Variants in PREX2 observed in about 807,000 individuals in gnomAD.
PREX2 encodes the protein phosphatidylinositol-3,4,5-trisphosphate dependent Rac exchange factor 2, also known as phosphatidylinositol 3,4,5-trisphosphate-dependent Rac exchanger 2 protein.
PREX2 carries 107 observed loss-of-function variants against 203.2 expected under a neutral mutation model. The ratio of observed to expected loss-of-function variants is 0.53; its 90% confidence interval spans 0.45 to 0.62. The LOEUF (loss-of-function observed/expected upper bound fraction) is 0.62, where lower values mean the gene tolerates loss of function less well. Among genes scored for constraint, PREX2 ranks in the 20% least tolerant of loss-of-function variants. The pLI, the probability that PREX2 is intolerant of heterozygous loss-of-function variation, is 0.00. For synonymous variants in PREX2, 672 were observed against 663.6 expected, an observed-to-expected ratio of 1.01 and a Z score of -0.19; for missense variants, 1,777 against 1,955.9, an observed-to-expected ratio of 0.91 and a Z score of 1.72.
At chr8:68,046,888 G>T (rs1270551783) in intron 8 of PREX2, among the ~76,000 whole-genome samples, 2 of 150,170 alleles carry the variant, frequency 1.3e-5, no homozygotes, top group Non-Finnish European at 2.9e-5. Flanking sequence ...TATCCACTAG[G>T]TTCCTGGGGA....
At chr8:67,954,316 G>T (rs1176614949) in intron 1 of PREX2, among the ~76,000 whole-genome samples, 1 of 152,198 alleles carries the variant, frequency 6.6e-6, no homozygotes, top group Admixed American at 6.5e-5. Context: ...GCACTAATTA[G>T]TCTGAATGCC....
chr8:68,196,889 A>T (rs1812408863), intron 37 of PREX2, among the ~76,000 whole-genome samples: 1 of 152,190 alleles, frequency 6.6e-6, no homozygotes, highest in Admixed American at 6.5e-5. Context: ...TCTTTTCTTT[A>T]TAAATTACCT....
chr8:67,983,320 G>A (rs113501556), intron 1 of PREX2, among the ~76,000 whole-genome samples: 1 of 65,936 alleles, frequency 1.5e-5, no homozygotes, highest in Non-Finnish European at 3.3e-5. Context: ...TGCAGATGCA[G>A]GTTGTTCCCT....
chr8:68,034,665 A>G (rs953944122), intron 6 of PREX2, among the ~76,000 whole-genome samples: 3 of 152,174 alleles, frequency 2.0e-5, no homozygotes, highest in Admixed American at 6.6e-5. Context: ...ACCTTTTTAC[A>G]TGGAAAAATA....
At chr8:67,975,169 T>C (rs539699233) in intron 1 of PREX2, among the ~76,000 whole-genome samples, 70 of 151,414 alleles carry the variant, frequency 4.6e-4, no homozygotes, top group Non-Finnish European at 7.1e-4. Flanking sequence ...CCTGACCTAC[T>C]GAAAACCAAC....
chr8:68,055,088 C>T (rs1320272213), intron 9 of PREX2, among the ~76,000 whole-genome samples: 1 of 152,208 alleles, frequency 6.6e-6, no homozygotes, highest in Non-Finnish European at 1.5e-5. Context: ...ATCTTCCCCT[C>T]TTCAGTTTGT....
At chr8:68,158,713 G>C (rs1031558411) in intron 35 of PREX2, among the ~76,000 whole-genome samples, 2 of 152,140 alleles carry the variant, frequency 1.3e-5, no homozygotes, top group Non-Finnish European at 2.9e-5. Context: ...GGATGTAATT[G>C]CTGTTTCATT....
At chr8:68,134,786 C>T (rs576091335) in intron 32 of PREX2, among the ~76,000 whole-genome samples, 6 of 152,244 alleles carry the variant, frequency 3.9e-5, no homozygotes, top group African/African-American at 1.2e-4. Flanking sequence ...CCTGTTAAAT[C>T]GAAGAGCATT....
At chr8:67,968,961 C>A (rs1474467179) in intron 1 of PREX2, among the ~76,000 whole-genome samples, 2 of 152,204 alleles carry the variant, frequency 1.3e-5, no homozygotes, top group East Asian at 3.9e-4. Flanking sequence ...TGTAAAACTC[C>A]TTGAACTCTG....
At position 68,099,699 on chromosome 8, in the gene PREX2, T is replaced by C; in HGVS notation, c.2571T>C (p.Ala857=). 1 of 1,613,818 alleles carries C rather than the reference T, an allele frequency of 6.2e-7. No homozygotes were observed. Among genetic ancestry groups the C allele is most frequent in the African/African-American group, 1.3e-5 (1 of 75,008 alleles). The change falls in exon 23 of 40, where the codon GCT becomes GCC. Residue 857 remains alanine (A), a synonymous_variant. Transcript: ENST00000288368. ...SLTAKILEAL[A]KSDEHFVQNC... ...CATTGCAGATTCTTGAAGCCCTGGCTAAAAGTGATGAGCATTTTGTACAAA... is the reference window on the plus strand; with the variant it reads ...CATTGCAGATTCTTGAAGCCCTGGCCAAAAGTGATGAGCATTTTGTACAAA...
chr8:68,035,524 A>T (rs1563511199), intron 6 of PREX2, among the ~76,000 whole-genome samples: 1 of 152,152 alleles, frequency 6.6e-6, no homozygotes, highest in Admixed American at 6.5e-5. Context: ...GCCTGCCATT[A>T]TCCTAGAGAT....
chr8:68,144,774 C>T (rs1811293415), intron 33 of PREX2, among the ~76,000 whole-genome samples: 1 of 152,040 alleles, frequency 6.6e-6, no homozygotes, highest in Non-Finnish European at 1.5e-5. Flanking sequence ...AGTTTTAGTG[C>T]TCTTAGTTTG....
chr8:68,145,358 G>T (rs1357276287), intron 33 of PREX2, among the ~76,000 whole-genome samples: 5 of 152,130 alleles, frequency 3.3e-5, no homozygotes, highest in Non-Finnish European at 4.4e-5. Flanking sequence ...CCTGGAATCT[G>T]TGATCATAAA....
chr8:68,159,686 C>T (rs1811614697), intron 35 of PREX2, among the ~76,000 whole-genome samples: 1 of 152,124 alleles, frequency 6.6e-6, no homozygotes, highest in Non-Finnish European at 1.5e-5. Context: ...CTATAAAGTC[C>T]ACATCAATTC....
intron 1 of PREX2, among the ~76,000 whole-genome samples, chr8:68,016,820 T>C (rs1236633338): frequency 2.0e-5 from 3 of 152,158 alleles, no homozygotes; most frequent in African/African-American, 7.2e-5. Context: ...TCTTGCTATG[T>C]TGCCGAGGCT....
intron 37 of PREX2, among the ~76,000 whole-genome samples, chr8:68,200,608 C>CT (rs66865090): frequency 3.7e-4 from 55 of 147,548 alleles, no homozygotes; most frequent in African/African-American, 1.0e-3. Flanking sequence ...ATCATTGTCT[C>CT]TTTTTTTTTT....
intron 32 of PREX2, among the ~76,000 whole-genome samples, chr8:68,137,660 A>G (rs763485988): frequency 3.3e-5 from 5 of 152,222 alleles, no homozygotes; most frequent in Non-Finnish European, 5.9e-5. Context: ...AACTATTAAA[A>G]GACCCTGTAA....
At chr8:68,097,297 A>C in intron 22 of PREX2, 96 bp downstream of exon 22, 33 of 918,196 alleles carry the variant, frequency 3.6e-5, no homozygotes, top group Non-Finnish European at 4.3e-5. Flanking sequence ...ATAGCTATAC[A>C]TGTTGCAGCT....
At chr8:67,984,218 G>A (rs1430019277) in intron 1 of PREX2, among the ~76,000 whole-genome samples, 5 of 152,096 alleles carry the variant, frequency 3.3e-5, no homozygotes, top group Admixed American at 2.6e-4. Flanking sequence ...AAATATTTGT[G>A]CAGCACACTT....
Sources: gnomAD v4.1 joint callset for allele counts (sites outside exome capture counted in the v4.1 genomes callset) on GRCh38, gnomAD v4.1.1 for gene constraint, MANE v1.5 for transcripts, NCBI Gene and HGNC (gene_info 2026-07-23, HGNC 2026-07-21) for gene names.